The following RTTN variants were observed in gnomAD, a reference collection of about 807,000 sequenced individuals.
The protein encoded by RTTN is rotatin.
A neutral mutation model predicts 269.2 loss-of-function variants in RTTN; 182 were observed. The ratio of observed to expected loss-of-function variants is 0.68; its 90% CI spans 0.60 to 0.76. The LOEUF (loss-of-function observed/expected upper bound fraction) is 0.76. Ranked by LOEUF, RTTN falls within the 30% of genes least tolerant of loss-of-function variation. RTTN has a pLI of 0.00. For synonymous variants in RTTN, 1,006 were observed against 963.5 expected, an observed-to-expected ratio of 1.04 and a Z score of -0.82; for missense variants, 2,545 against 2,608.6, an observed-to-expected ratio of 0.98 and a Z score of 0.53.
chr18:70,004,580 A>G (rs1657168346), intron 48 of RTTN, among the ~76,000 whole-genome samples: 4 of 152,062 alleles, frequency 2.6e-5, no homozygotes, highest in African/African-American at 9.7e-5. Flanking sequence ...CCAGAAATTC[A>G]TGGTCGCAGC....
intron 14 of RTTN, among the ~76,000 whole-genome samples, chr18:70,162,885 T>TAAAAA (rs1568488745): frequency 1.2e-4 from 2 of 16,532 alleles, no homozygotes; most frequent in Admixed American, 1.0e-3. Flanking sequence ...AAATAAAAGT[T>TAAAAA]GAAAAAAAAA....
chr18:70,036,944 G>T (rs2057192078), intron 40 of RTTN, among the ~76,000 whole-genome samples: 1 of 152,218 alleles, frequency 6.6e-6, no homozygotes, highest in Non-Finnish European at 1.5e-5. Flanking sequence ...AGCAGCAGCT[G>T]CCTGGTATGG....
chr18:70,054,293 A>T lies in RTTN; in HGVS notation c.5032-9T>A. On this transcript the variant is annotated splice_polypyrimidine_tract_variant and intron_variant, in intron 37 of 48. Coordinates refer to ENST00000640769, the MANE Select transcript of RTTN (RefSeq NM_173630.4). ...TCCAGGAGAAAGGAAACCTGTTTGA[A>T]AAGGAGACAGGGTCAAATCAAACAT... is the stretch of plus-strand genomic sequence containing the variant. The T allele has an allele frequency of 4.4e-6, 7 of 1,604,562 alleles. No individual in the cohort carries two copies. Among genetic ancestry groups the T allele is most frequent in the Non-Finnish European group, 6.0e-6 (7 of 1,175,212 alleles).
chr18:70,123,969 A>T (rs748725424), intron 25 of RTTN, among the ~76,000 whole-genome samples: 25 of 152,052 alleles, frequency 1.6e-4, no homozygotes, highest in Non-Finnish European at 3.2e-4. Flanking sequence ...CACCCATATA[A>T]GGTATCATGT....
intron 26 of RTTN, among the ~76,000 whole-genome samples, chr18:70,118,961 C>T (rs1080922): frequency 0.83 from 125,551 of 152,072 alleles, 55,192 homozygotes; most frequent in East Asian, 1. Context: ...TATGAAAAAC[C>T]CACAGCTAAC....
At chr18:70,139,106 C>T (rs1275331024) in intron 21 of RTTN, among the ~76,000 whole-genome samples, 1 of 151,810 alleles carries the variant, frequency 6.6e-6, no homozygotes, top group East Asian at 1.9e-4. Context: ...TTAAAAACCA[C>T]ATTTTATAGA....
intron 20 of RTTN, 155 bp downstream of exon 20, chr18:70,139,945 C>T: frequency 3.1e-6 from 2 of 650,770 alleles, no homozygotes; most frequent in Non-Finnish European, 2.7e-6. Flanking sequence ...ATAGAGACTC[C>T]ACTTTTCGAA....
rs553479380 is a variant in RTTN at position 70,092,105 on chromosome 18, C to G, written c.4143+5G>C. On this transcript the variant is annotated splice_donor_5th_base_variant and intron_variant, in intron 30 of 48. Coordinates refer to ENST00000640769, the MANE Select transcript of RTTN (RefSeq NM_173630.4). Reference sequence around the variant, plus strand: ...ACAATACACTTGATTCTCCTTCACACTCACCTCTGGGTCCCGATCAACCCA... The same window carrying G: ...ACAATACACTTGATTCTCCTTCACAGTCACCTCTGGGTCCCGATCAACCCA... 6.3e-7 allele frequency: 1 copy of G among 1,578,886 alleles called. No individual in the cohort carries two copies. The highest frequency in any genetic ancestry group is 1.7e-5 in the Admixed American group (1 of 59,822).
intron 32 of RTTN, among the ~76,000 whole-genome samples, chr18:70,080,958 A>G (rs2058551289): frequency 6.7e-6 from 1 of 149,812 alleles, no homozygotes; most frequent in South Asian, 2.1e-4. Flanking sequence ...ACACACACAC[A>G]CACACACACA....
rs370896475 is a variant in RTTN at position 70,020,747 on chromosome 18, G to A, written c.6021C>T (p.Ser2007=). ...PVQATHRGAV[S]NSLMLCILKL... is the part of the protein sequence containing the mutation. The stretch of plus-strand genomic sequence containing the variant: ...TTAGGATACACAGCATCAGAGAGTT[G>A]CTCACGGCTCCTCTATGTGTAGCTT... Residue 2007 remains serine (S), a synonymous_variant, in exon 45 of 49, where the codon AGC becomes AGT. Transcript: ENST00000640769. 2.1e-4 allele frequency: 338 copies of A among 1,613,946 alleles called. No homozygotes were observed. The highest frequency in any genetic ancestry group is 2.4e-4 in the Non-Finnish European group (287 of 1,179,932).
chr18:70,145,731 C>T lies in RTTN; in HGVS notation c.2362G>A (p.Gly788Arg), dbSNP rs763838747. The change falls in exon 18 of 49, where the codon GGG (glycine) becomes AGG (arginine). Residue 788 changes from glycine to arginine, a missense_variant. Transcript: ENST00000640769. Reference protein sequence around the residue: ...LLAFHLTSEEGADTKRPLIDA... With the variant: ...LLAFHLTSEERADTKRPLIDA... ...ATTAGAGGACGCTTTGTATCAGCCC[C>T]TTCTTCACTGGTAAGATGGAATGCT... is the stretch of plus-strand genomic sequence containing the variant. The T allele has an allele frequency of 6.2e-7, 1 of 1,613,394 alleles. No individual in the cohort carries two copies. The highest frequency in any genetic ancestry group is 8.5e-7 in the Non-Finnish European group (1 of 1,179,620).
Position 70,148,929 on chromosome 18 carries a change from G to A in RTTN, c.2281C>T (p.Leu761=), listed in dbSNP as rs750262830. The change falls in exon 17 of 49, where the codon CTG becomes TTG. Residue 761 remains leucine, a synonymous_variant. Transcript: ENST00000640769. ...LPCTTRLKSM[L]RLLLVKKPSV... ...GGCTTTTTCACTAGCAAAAGTCGCA[G>A]CATGGACTTTAATCGGGTAGTACAC... 6 of 1,613,532 alleles carry A rather than the reference G, an allele frequency of 3.7e-6. No homozygotes were observed. The highest frequency in any genetic ancestry group is 1.7e-5 in the Admixed American group (1 of 59,980).
intron 23 of RTTN, among the ~76,000 whole-genome samples, chr18:70,133,151 G>A (rs2060038994): frequency 6.6e-6 from 1 of 152,070 alleles, no homozygotes; most frequent in South Asian, 2.1e-4. Flanking sequence ...TTTCTATTTG[G>A]GACATGAGGC....
Position 70,166,166 on chromosome 18 carries a change from G to C in RTTN, c.1825C>G (p.Pro609Ala), listed in dbSNP as rs374487035. 3.1e-6 allele frequency: 5 copies of C among 1,613,010 alleles called. No individual in the cohort carries two copies. Among genetic ancestry groups the C allele is most frequent in the Non-Finnish European group, 4.2e-6 (5 of 1,179,356 alleles). ...TTCTGACTTTCTCCTTGTAGTAATG[G>C]ACTGGCCTGAGCAGATTTCCAGCTG... ...SKIWKSAQAS[P>A]LLQGESQKVL... Residue 609 changes from proline to alanine, a missense_variant, in exon 14 of 49, where the codon CCA (proline) becomes GCA (alanine). Pro to Ala is a conservative substitution (Grantham distance 27). Transcript: ENST00000640769.
At position 70,051,534 on chromosome 18, in the gene RTTN, A is replaced by C. The variant is rs111886844; in HGVS notation, c.5200T>G (p.Ser1734Ala). 37 of 1,602,708 alleles carry C rather than the reference A, an allele frequency of 2.3e-5. No individual in the cohort carries two copies. The African/African-American group carries it at 4.3e-4, about 19-fold the overall frequency. The change falls in exon 39 of 49, where the codon TCA becomes GCA. Residue 1734 changes from serine (S) to alanine (A), a missense_variant. Physicochemically the swap from Ser to Ala is moderately conservative, Grantham distance 99. Transcript: ENST00000640769. ...TKDVLDKELI[S>A]AFYHTWTHLF... ...TGTGTCCATGTGTGATAAAAAGCTG[A>C]TATTAACTCTTTATCTATAAAATTA...
intron 40 of RTTN, among the ~76,000 whole-genome samples, chr18:70,032,880 T>C (rs952520397): frequency 3.3e-5 from 5 of 152,222 alleles, no homozygotes; most frequent in African/African-American, 1.2e-4. Context: ...GTATACATTC[T>C]TCTCATTGCC....
intron 5 of RTTN, among the ~76,000 whole-genome samples, chr18:70,198,653 G>A (rs2061873139): frequency 6.6e-6 from 1 of 152,140 alleles, no homozygotes; most frequent in Non-Finnish European, 1.5e-5. Context: ...TTACTCTTGT[G>A]GGTAGCAATC....
chr18:70,083,232 C>G (rs1164082753), intron 32 of RTTN, among the ~76,000 whole-genome samples: 1 of 152,084 alleles, frequency 6.6e-6, no homozygotes, highest in Non-Finnish European at 1.5e-5. Context: ...TGGTGACCAC[C>G]CCACTTCCAG....
At chr18:70,080,364 G>A (rs1035571969) in intron 32 of RTTN, among the ~76,000 whole-genome samples, 3 of 152,066 alleles carry the variant, frequency 2.0e-5, no homozygotes, top group African/African-American at 7.2e-5. Context: ...GATGGAGCTG[G>A]ACAGTCTAGA....
Sources: gnomAD v4.1 joint callset for allele counts (sites outside exome capture counted in the v4.1 genomes callset) on GRCh38, gnomAD v4.1.1 for gene constraint, MANE v1.5 for transcripts, NCBI Gene and HGNC (gene_info 2026-07-23, HGNC 2026-07-21) for gene names.